Variants in PRR5L observed in about 807,000 individuals in gnomAD.
PRR5L encodes the protein proline rich 5 like, also known as proline-rich protein 5-like.
In PRR5L, 21 loss-of-function variants were observed where a neutral mutation model predicts 36.4. The observed-to-expected ratio is 0.58, with a 90% CI of 0.41 to 0.83. PRR5L has a LOEUF of 0.83. Ranked by LOEUF, PRR5L falls within the 40% of genes least tolerant of loss-of-function variation. PRR5L has a pLI of 0.00. For missense variants in PRR5L, 381 were observed against 473.3 expected (o/e 0.80, Z 1.81); for synonymous variants, 188 against 197.0 (o/e 0.95, Z 0.38).
rs181823325 is a variant in PRR5L, at chr11:36,462,211, G to A, written c.713-131G>A. On this transcript the variant is annotated intron_variant, in intron 8 of 8. Transcript: ENST00000530639. ...TATCACCAGATTCCTCCCTTGCATT[G>A]TGGCAGGGCTGCACCTAAGAGCTGC... 3.5e-4 allele frequency: 285 copies of A among 814,270 alleles called. 2 individuals are homozygous for A. Among genetic ancestry groups the A allele is most frequent in the Non-Finnish European group, 1.9e-4 (106 of 557,526 alleles). 50.4% of individuals were successfully genotyped at this position (814,270 alleles called of 1,614,324 possible).
chr11:36,356,003 C>G (rs576405418), intron 1 of PRR5L, among the ~76,000 whole-genome samples: 5 of 152,006 alleles, frequency 3.3e-5, no homozygotes, highest in Admixed American at 2.0e-4. Flanking sequence ...CCTTGACCTC[C>G]CAGGCTCAAA....
intron 7 of PRR5L, among the ~76,000 whole-genome samples, chr11:36,449,357 C>A (rs1315276785): frequency 1.3e-5 from 2 of 152,194 alleles, no homozygotes; most frequent in East Asian, 3.9e-4. Context: ...AACTACCTGA[C>A]CCTACTACAG....
chr11:36,303,555 T>C (rs12274878), intron 1 of PRR5L, among the ~76,000 whole-genome samples: 25,574 of 152,186 alleles, frequency 0.17, 2,329 homozygotes, highest in Admixed American at 0.25. Context: ...AATTTTTTAA[T>C]CTGCACCTGT....
intron 1 of PRR5L, among the ~76,000 whole-genome samples, chr11:36,354,257 G>T (rs995444004): frequency 6.6e-6 from 1 of 152,146 alleles, no homozygotes; most frequent in African/African-American, 2.4e-5. Flanking sequence ...GCACAGACTG[G>T]GACCTGGTAA....
intron 4 of PRR5L, among the ~76,000 whole-genome samples, chr11:36,429,075 C>G (rs373679959): frequency 1.3e-5 from 2 of 152,068 alleles, no homozygotes; most frequent in East Asian, 3.9e-4. Context: ...TTCCTAAGGT[C>G]TCCTTGAAGG....
At chr11:36,397,926 G>A (rs544519079) in intron 1 of PRR5L, among the ~76,000 whole-genome samples, 5 of 152,016 alleles carry the variant, frequency 3.3e-5, no homozygotes, top group Admixed American at 1.3e-4. Context: ...CCCCCGAGTC[G>A]CCGGGATTAA....
At chr11:36,449,503 C>T (rs1858900298) in intron 7 of PRR5L, among the ~76,000 whole-genome samples, 1 of 152,180 alleles carries the variant, frequency 6.6e-6, no homozygotes, top group Non-Finnish European at 1.5e-5. Flanking sequence ...TCAAACTGCC[C>T]CAGTGAGAGG....
intron 4 of PRR5L, among the ~76,000 whole-genome samples, chr11:36,423,791 C>A (rs1259300447): frequency 6.6e-6 from 1 of 152,092 alleles, no homozygotes; most frequent in African/African-American, 2.4e-5. Context: ...TCAGAGGTTG[C>A]ATTTTTTGAT....
intron 1 of PRR5L, among the ~76,000 whole-genome samples, chr11:36,355,780 C>T (rs910531153): frequency 1.3e-5 from 2 of 151,844 alleles, no homozygotes; most frequent in Non-Finnish European, 2.9e-5. Context: ...CCAGTCTGGT[C>T]TCGAACTCCT....
intron 1 of PRR5L, among the ~76,000 whole-genome samples, chr11:36,350,482 A>T (rs1856917862): frequency 6.6e-6 from 1 of 152,080 alleles, no homozygotes; most frequent in Non-Finnish European, 1.5e-5. Flanking sequence ...AGAACCAGTT[A>T]AAAAAAGTTC....
chr11:36,341,790 G>A lies in PRR5L; in HGVS notation c.-126+45352G>A, dbSNP rs531841665. ...AGGTCAAGTCGTTGGGCTCTGTGGT[G>A]TTTACCTGGTTTTCCAGAAGCTGAG... On this transcript the variant is annotated intron_variant, in intron 1 of 8. Coordinates refer to ENST00000530639, the MANE Select transcript of PRR5L (RefSeq NM_001160167.2). 5.3e-4 allele frequency among the ~76,000 whole-genome samples: 81 copies of A among 152,324 alleles called. 1 individual carries two copies. Among genetic ancestry groups the A allele is most frequent in the African/African-American group, 1.7e-3 (72 of 41,576 alleles).
rs368918273 is a variant in PRR5L at position 36,389,614 on chromosome 11, A to ATTTTT, written c.-125-11370_-125-11366dup. ...GTTTACCCATGGTGAAGCCCCATGT[A>ATTTTT]TTTTTTTTTTTTTTTTTGGTAGAGT... On this transcript the variant is annotated intron_variant, in intron 1 of 8. Transcript: ENST00000530639. Among the ~76,000 whole-genome samples, 300 of 134,980 alleles carry ATTTTT rather than the reference A, an allele frequency of 2.2e-3. 5 individuals are homozygous for ATTTTT. Among genetic ancestry groups the ATTTTT allele is most frequent in the African/African-American group, 8.1e-3 (286 of 35,262 alleles). 88.6% of individuals were successfully genotyped at this position (134,980 alleles called of 152,430 possible). A position where few individuals can be genotyped will look rare whatever the true frequency, so the allele number is the denominator to read the frequency against.
intron 1 of PRR5L, among the ~76,000 whole-genome samples, chr11:36,364,794 C>T (rs1454430646): frequency 5.3e-5 from 8 of 152,248 alleles, no homozygotes; most frequent in Non-Finnish European, 8.8e-5. Context: ...TCAGCTCTCC[C>T]GTGTTTGAGT....
At chr11:36,334,089 A>T (rs1045026092) in intron 1 of PRR5L, among the ~76,000 whole-genome samples, 3 of 152,080 alleles carry the variant, frequency 2.0e-5, no homozygotes, top group African/African-American at 7.2e-5. Context: ...AGCACATGGG[A>T]GTCTCTTAGA....
In PRR5L at chr11:36,351,250, TTATATATGTATATTTATATATTTA is replaced by T. The variant is rs1245238886; in HGVS notation, c.-125-49715_-125-49692del. On this transcript the variant is annotated intron_variant, in intron 1 of 8. Transcript: ENST00000530639. ...TATTTATATATATTTATATATATTT[TTATATATGTATATTTATATATTTA>T]TATATATGTATATTTATATATTTAT... 6.4e-4 allele frequency among the ~76,000 whole-genome samples: 41 copies of T among 63,684 alleles called. 2 individuals carry two copies. The highest frequency in any genetic ancestry group is 2.7e-3 in the African/African-American group (39 of 14,218). The allele number at this position is 63,684 out of a possible 152,430, so 41.8% of individuals were successfully genotyped here. A position where few individuals can be genotyped will look rare whatever the true frequency, so the allele number is the denominator to read the frequency against.
At chr11:36,418,518 T>C (rs551860086) in intron 3 of PRR5L, among the ~76,000 whole-genome samples, 1 of 152,242 alleles carries the variant, frequency 6.6e-6, no homozygotes, top group South Asian at 2.1e-4. Flanking sequence ...TAATTACTAC[T>C]ACCCGCGGTG....
At chr11:36,445,530 CTT>C (rs1050081712) in intron 6 of PRR5L, among the ~76,000 whole-genome samples, 1 of 151,862 alleles carries the variant, frequency 6.6e-6, no homozygotes, top group African/African-American at 2.4e-5. Context: ...CTTCCTTTCT[CTT>C]TTGGTCTTGG....
chr11:36,434,270 C>A (rs1426759282), intron 5 of PRR5L, among the ~76,000 whole-genome samples: 2 of 152,156 alleles, frequency 1.3e-5, no homozygotes, highest in Non-Finnish European at 2.9e-5. Context: ...ATGTGGGGAA[C>A]CTTTAAGGGA....
At chr11:36,358,673 A>G (rs374862300) in intron 1 of PRR5L, among the ~76,000 whole-genome samples, 27 of 152,210 alleles carry the variant, frequency 1.8e-4, no homozygotes, top group African/African-American at 6.3e-4. Context: ...GTACGCCTGT[A>G]TATAACTTCC....
Sources: gnomAD v4.1 joint callset for allele counts (sites outside exome capture counted in the v4.1 genomes callset) on GRCh38, gnomAD v4.1.1 for gene constraint, MANE v1.5 for transcripts, NCBI Gene and HGNC (gene_info 2026-07-23, HGNC 2026-07-21) for gene names.